Variants in GRM1 observed in about 807,000 individuals in gnomAD.
The protein encoded by GRM1 is metabotropic glutamate receptor 1.
GRM1 carries 33 observed loss-of-function variants against 90.9 expected under a neutral mutation model. The ratio of observed to expected loss-of-function variants is 0.36; its 90% CI spans 0.28 to 0.49. The LOEUF (loss-of-function observed/expected upper bound fraction) is 0.49. GRM1 is among the 20% of genes least tolerant of loss of function. The pLI is 0.99. For synonymous variants in GRM1, 700 were observed against 613.2 expected, an observed-to-expected ratio of 1.14 and a Z score of -2.09; for missense variants, 1,190 against 1,534.3, an observed-to-expected ratio of 0.78 and a Z score of 3.75.
At chr6:146,173,874 T>G (rs1778238462) in intron 2 of GRM1, among the ~76,000 whole-genome samples, 1 of 151,906 alleles carries the variant, frequency 6.6e-6, no homozygotes, top group Non-Finnish European at 1.5e-5. Flanking sequence ...GCCAAACTGG[T>G]CTCAAACTCC....
intron 7 of GRM1, among the ~76,000 whole-genome samples, chr6:146,407,421 A>G (rs531596216): frequency 6.6e-6 from 1 of 152,326 alleles, no homozygotes; most frequent in South Asian, 2.1e-4. Context: ...CTCACCTGAG[A>G]CAGACCATGG....
chr6:146,356,145 G>A (rs3819832), intron 4 of GRM1, among the ~76,000 whole-genome samples: 30,212 of 152,084 alleles, frequency 0.2, 3,311 homozygotes, highest in South Asian at 0.27. Flanking sequence ...TCCAGTATTC[G>A]TATAGTAATG....
chr6:146,356,737 G>A (rs1323104282), intron 4 of GRM1, among the ~76,000 whole-genome samples: 2 of 152,126 alleles, frequency 1.3e-5, no homozygotes, highest in African/African-American at 4.8e-5. Context: ...AGACCAGCTT[G>A]TACATTCTGA....
chr6:146,392,499 G>A (rs1562662611), intron 6 of GRM1, among the ~76,000 whole-genome samples: 1 of 152,194 alleles, frequency 6.6e-6, no homozygotes, highest in East Asian at 1.9e-4. Flanking sequence ...GCAGAGTATT[G>A]TTATTGGAAA....
chr6:146,233,301 T>C (rs759708278), intron 2 of GRM1, among the ~76,000 whole-genome samples: 5 of 152,164 alleles, frequency 3.3e-5, no homozygotes, highest in Non-Finnish European at 7.4e-5. Flanking sequence ...AGGTTCAACT[T>C]ATACTGGCTC....
intron 2 of GRM1, among the ~76,000 whole-genome samples, chr6:146,220,972 G>A (rs1230324421): frequency 6.6e-6 from 1 of 151,858 alleles, no homozygotes; most frequent in African/African-American, 2.4e-5. Flanking sequence ...AGAGGTGAGA[G>A]ACGACCACAG....
Position 146,434,531 on chromosome 6 carries a change from A to G in GRM1, c.3320A>G (p.Gln1107Arg), listed in dbSNP as rs1035677122. 1 of 1,614,020 alleles carries G rather than the reference A, an allele frequency of 6.2e-7. No individual in the cohort carries two copies. Among genetic ancestry groups the G allele is most frequent in the Non-Finnish European group, 8.5e-7 (1 of 1,180,026 alleles). Residue 1107 changes from glutamine (Q) to arginine (R), a missense_variant, in exon 8 of 8, where the codon CAG becomes CGG. Gln to Arg is a conservative substitution (Grantham distance 43). Coordinates refer to ENST00000282753, the MANE Select transcript of GRM1 (RefSeq NM_001278064.2). ...DDDSERFKLL[Q>R]EYVYEHEREG... Reference sequence around the variant, plus strand: ...GACAGCGAGAGGTTTAAGCTCCTCCAGGAGTACGTGTATGAGCACGAGCGG... The same window carrying G: ...GACAGCGAGAGGTTTAAGCTCCTCCGGGAGTACGTGTATGAGCACGAGCGG...
chr6:146,410,136 A>G (rs1179095187), intron 7 of GRM1, among the ~76,000 whole-genome samples: 1 of 152,206 alleles, frequency 6.6e-6, no homozygotes, highest in Non-Finnish European at 1.5e-5. Flanking sequence ...AAATTATGAT[A>G]GTGGAGTTGG....
intron 3 of GRM1, among the ~76,000 whole-genome samples, chr6:146,347,052 A>C (rs976840779): frequency 6.6e-6 from 1 of 152,210 alleles, no homozygotes; most frequent in African/African-American, 2.4e-5. Flanking sequence ...GTGCATAGTG[A>C]TGGGGTTGCA....
intron 2 of GRM1, 196 bp downstream of exon 2, chr6:146,159,793 C>T: frequency 1.7e-6 from 1 of 577,422 alleles, no homozygotes. Context: ...CATCTTCCTG[C>T]TAAACAACAG....
chr6:146,341,589 A>G (rs1170821045), intron 3 of GRM1, among the ~76,000 whole-genome samples: 1 of 152,198 alleles, frequency 6.6e-6, no homozygotes, highest in Non-Finnish European at 1.5e-5. Flanking sequence ...ACTGAATCCC[A>G]CGATGAAGAC....
chr6:146,080,300 T>C (rs1776321004), intron 1 of GRM1, among the ~76,000 whole-genome samples: 1 of 152,202 alleles, frequency 6.6e-6, no homozygotes. Flanking sequence ...CAAATATTAC[T>C]TTCCTCTTTT....
chr6:146,350,589 A>G (rs548193015), intron 3 of GRM1, among the ~76,000 whole-genome samples: 1 of 152,236 alleles, frequency 6.6e-6, no homozygotes, highest in Admixed American at 6.5e-5. Flanking sequence ...GATGGCACAA[A>G]TTTACCTCTT....
intron 2 of GRM1, among the ~76,000 whole-genome samples, chr6:146,253,970 C>CT (rs200846979): frequency 0.02 from 2,927 of 146,764 alleles, 38 homozygotes; most frequent in Non-Finnish European, 0.032. Context: ...CAATATTTTA[C>CT]TTTTTTTTTT....
intron 1 of GRM1, among the ~76,000 whole-genome samples, chr6:146,153,162 C>T (rs1169569398): frequency 1.3e-5 from 2 of 152,146 alleles, no homozygotes; most frequent in African/African-American, 2.4e-5. Context: ...TCAGAACAAG[C>T]GACACTTTCT....
chr6:146,201,751 A>G (rs553754269), intron 2 of GRM1, among the ~76,000 whole-genome samples: 2 of 152,362 alleles, frequency 1.3e-5, no homozygotes, highest in East Asian at 3.9e-4. Flanking sequence ...CACTCTTATT[A>G]TCACCACTTT....
chr6:146,399,608 C>T lies in GRM1; in HGVS notation c.2569C>T (p.Arg857Cys). The change falls in exon 7 of 8, where the codon CGC (arginine) becomes TGC (cysteine). Residue 857 changes from arginine to cysteine, a missense_variant. Transcript: ENST00000282753. The surrounding 1 kb of genome is among the most constrained non-coding windows in gnomAD (Gnocchi z 5.4). ...TGCCTTCACCACCTCTGATGTTGTC[C>T]GCATGCATGTTGGCGATGGCAAGCT... ...RSAFTTSDVVRMHVGDGKLPC... is the reference protein window; with the variant it reads ...RSAFTTSDVVCMHVGDGKLPC... 1.2e-6 allele frequency: 2 copies of T among 1,613,980 alleles called. No homozygotes were observed. The highest frequency in any genetic ancestry group is 1.3e-5 in the African/African-American group (1 of 75,046).
At chr6:146,415,108 T>C (rs1160340227) in intron 7 of GRM1, among the ~76,000 whole-genome samples, 2 of 152,204 alleles carry the variant, frequency 1.3e-5, no homozygotes, top group East Asian at 3.9e-4. Context: ...GTTTATTTTT[T>C]ACAGTTCTGG....
At chr6:146,040,295 T>C (rs1362425075) in intron 1 of GRM1, among the ~76,000 whole-genome samples, 1 of 152,026 alleles carries the variant, frequency 6.6e-6, no homozygotes. Context: ...TACATGAGAC[T>C]GTGTAATTTA....
Sources: gnomAD v4.1 joint callset for allele counts (sites outside exome capture counted in the v4.1 genomes callset) on GRCh38, gnomAD v4.1.1 for gene constraint, Gnocchi (gnomAD v3.1) non-coding constraint, MANE v1.5 for transcripts, NCBI Gene and HGNC (gene_info 2026-07-23, HGNC 2026-07-21) for gene names.